Variants in LARGE1 observed in about 807,000 individuals in gnomAD.
LARGE1 encodes the protein LARGE xylosyl- and glucuronyltransferase 1, also known as xylosyl- and glucuronyltransferase LARGE1.
Under a neutral mutation model 87.6 loss-of-function variants are expected in LARGE1, and 43 were observed. The observed-to-expected ratio is 0.49, with a 90% CI of 0.38 to 0.63. LARGE1 has a LOEUF of 0.63. LARGE1 is among the 30% of genes least tolerant of loss of function. LARGE1 has a pLI of 0.00. For missense variants in LARGE1, 802 were observed against 1,000.2 expected, an observed-to-expected ratio of 0.80 and a Z score of 2.67; for synonymous variants, 434 against 394.6, an observed-to-expected ratio of 1.10 and a Z score of -1.18.
intron 1 of LARGE1, among the ~76,000 whole-genome samples, chr22:33,798,643 C>T (rs1003765935): frequency 5.3e-5 from 8 of 152,256 alleles, no homozygotes; most frequent in Middle Eastern, 6.8e-3. Flanking sequence ...AGGACCTTGA[C>T]ACGTTTTTCA....
chr22:33,714,033 T>TAACAC (rs1349702808), intron 2 of LARGE1, among the ~76,000 whole-genome samples: 2 of 149,588 alleles, frequency 1.3e-5, no homozygotes, highest in Non-Finnish European at 3.0e-5. Context: ...TAACATAACA[T>TAACAC]AAAACAAAAT....
intron 6 of LARGE1, among the ~76,000 whole-genome samples, chr22:33,496,445 A>G (rs575850603): frequency 6.6e-6 from 1 of 152,250 alleles, no homozygotes; most frequent in Non-Finnish European, 1.5e-5. Context: ...AGGCACAGAG[A>G]GCTACCCTGC....
chr22:33,787,324 A>G (rs966986375), intron 1 of LARGE1, among the ~76,000 whole-genome samples: 11 of 152,178 alleles, frequency 7.2e-5, no homozygotes, highest in African/African-American at 2.4e-4. Flanking sequence ...GTCCCTGGCA[A>G]TAAGTGAGTG....
intron 4 of LARGE1, among the ~76,000 whole-genome samples, chr22:33,620,461 T>C (rs1054131465): frequency 6.6e-6 from 1 of 152,232 alleles, no homozygotes; most frequent in Non-Finnish European, 1.5e-5. Flanking sequence ...TTCCTCTGAA[T>C]AGCCTGCCGT....
chr22:33,692,031 C>T (rs961749281), intron 2 of LARGE1, among the ~76,000 whole-genome samples: 1 of 152,052 alleles, frequency 6.6e-6, no homozygotes, highest in Non-Finnish European at 1.5e-5. Context: ...AACCAATCTC[C>T]TATTATTTTA....
intron 6 of LARGE1, among the ~76,000 whole-genome samples, chr22:33,465,528 A>G (rs2068570765): frequency 6.6e-6 from 1 of 152,262 alleles, no homozygotes; most frequent in Admixed American, 6.5e-5. Context: ...TGATTGCAAC[A>G]AAACAAACAT....
the LARGE1 span, among the ~76,000 whole-genome samples, chr22:33,069,188 A>G: frequency 2.2e-4 from 33 of 152,206 alleles, no homozygotes; most frequent in Non-Finnish European, 4.1e-4. Context: ...TTTAGACGCC[A>G]TTCCTCATTC....
chr22:33,135,022 A>G, the LARGE1 span, among the ~76,000 whole-genome samples: 1 of 152,240 alleles, frequency 6.6e-6, no homozygotes, highest in Non-Finnish European at 1.5e-5. Flanking sequence ...AAACTTTAGC[A>G]GGAAAACAGC....
the LARGE1 span, among the ~76,000 whole-genome samples, chr22:33,154,412 T>C: frequency 2.0e-5 from 3 of 152,104 alleles, no homozygotes; most frequent in African/African-American, 7.2e-5. Flanking sequence ...GGCTAATTTT[T>C]GTATTTTTGT....
chr22:33,130,382 C>T, the LARGE1 span, among the ~76,000 whole-genome samples: 2 of 148,308 alleles, frequency 1.3e-5, no homozygotes, highest in East Asian at 2.0e-4. Context: ...CCCAGCTACT[C>T]GGGAGGCTGA....
intron 3 of LARGE1, among the ~76,000 whole-genome samples, chr22:33,634,241 T>C (rs1020419911): frequency 4.6e-5 from 7 of 152,178 alleles, no homozygotes; most frequent in Non-Finnish European, 7.3e-5. Context: ...AACTCCAGTA[T>C]GCATCAGAAT....
intron 6 of LARGE1, among the ~76,000 whole-genome samples, chr22:33,476,917 A>T (rs1395131395): frequency 6.6e-6 from 1 of 152,176 alleles, no homozygotes; most frequent in East Asian, 1.9e-4. Flanking sequence ...GATGTGAGTC[A>T]TGAGGTGCTG....
chr22:33,905,201 C>G (rs1238420378), intron 1 of LARGE1, among the ~76,000 whole-genome samples: 1 of 151,538 alleles, frequency 6.6e-6, no homozygotes, highest in Non-Finnish European at 1.5e-5. Flanking sequence ...GTAGATGGGA[C>G]CACAGGCATG....
chr22:33,500,108 T>C (rs1455176118), intron 6 of LARGE1, among the ~76,000 whole-genome samples: 2 of 152,320 alleles, frequency 1.3e-5, no homozygotes, highest in Middle Eastern at 3.4e-3. Context: ...AAAGATACCA[T>C]GTATACATTG....
chr22:33,689,654 CAGA>C (rs1289012592), intron 2 of LARGE1, among the ~76,000 whole-genome samples: 2 of 152,108 alleles, frequency 1.3e-5, no homozygotes, highest in Non-Finnish European at 2.9e-5. Flanking sequence ...TTAAAATGGA[CAGA>C]AGGTCACACC....
chr22:33,264,889 CTTTTTTTTTTTT>C (rs200074908), intron 11 of LARGE1, among the ~76,000 whole-genome samples: 3 of 74,374 alleles, frequency 4.0e-5, no homozygotes, highest in Admixed American at 2.2e-4. Flanking sequence ...TGATCAAATT[CTTTTTTTTTTTT>C]TTTTTTTTTT....
intron 11 of LARGE1, among the ~76,000 whole-genome samples, chr22:33,259,002 T>C (rs1182417208): frequency 6.6e-6 from 1 of 151,902 alleles, no homozygotes; most frequent in Non-Finnish European, 1.5e-5. Context: ...CTCAGCCTCC[T>C]GAGTAGCTGG....
chr22:33,422,374 T>C (rs532313675), intron 7 of LARGE1, among the ~76,000 whole-genome samples: 12 of 152,294 alleles, frequency 7.9e-5, no homozygotes, highest in East Asian at 3.9e-4. Flanking sequence ...ACAAGAAGTA[T>C]GGTGCTGGCA....
In LARGE1 at chr22:33,342,094, C is replaced by T. The variant is rs141145123; in HGVS notation, c.1132-4293G>A. 4.4e-3 allele frequency among the ~76,000 whole-genome samples: 670 copies of T among 152,270 alleles called. 1 individual carries two copies. The highest frequency in any genetic ancestry group is 7.6e-3 in the Non-Finnish European group (515 of 68,022). On this transcript the variant is annotated intron_variant, in intron 9 of 14. Coordinates refer to ENST00000397394, the MANE Select transcript of LARGE1 (RefSeq NM_133642.5). Reference sequence around the variant, plus strand: ...TGAAGGGTAGGAGAGGGAAGACTCTCCCCTGAGAACACATTTGATCTGGGC... The same window carrying T: ...TGAAGGGTAGGAGAGGGAAGACTCTTCCCTGAGAACACATTTGATCTGGGC...
Sources: gnomAD v4.1 joint callset for allele counts (sites outside exome capture counted in the v4.1 genomes callset) on GRCh38, gnomAD v4.1.1 for gene constraint, MANE v1.5 for transcripts, NCBI Gene and HGNC (gene_info 2026-07-23, HGNC 2026-07-21) for gene names.